The following DOCK9 variants were observed in gnomAD, a reference collection of about 807,000 sequenced individuals.
DOCK9 encodes the protein dedicator of cytokinesis 9, also known as dedicator of cytokinesis protein 9.
Under a neutral mutation model 263.3 loss-of-function variants are expected in DOCK9, and 89 were observed. The ratio of observed to expected loss-of-function variants is 0.34; its 90% CI spans 0.28 to 0.40. The LOEUF is 0.40. Among genes scored for constraint, DOCK9 ranks in the 10% least tolerant of loss-of-function variants. The pLI is 1.00. For missense variants in DOCK9, 2,140 were observed against 2,603.4 expected, an observed-to-expected ratio of 0.82 and a Z score of 3.87; for synonymous variants, 976 against 973.1, an observed-to-expected ratio of 1.00 and a Z score of -0.06.
At chr13:98,867,675 A>T in intron 29 of DOCK9, 139 bp from the exon 30 acceptor site, 1 of 681,736 alleles carries the variant, frequency 1.5e-6, no homozygotes, top group Non-Finnish European at 2.5e-6. Flanking sequence ...ATTGCACTGT[A>T]CAGATTTCAG....
intron 1 of DOCK9, among the ~76,000 whole-genome samples, chr13:99,065,618 C>T (rs1291695015): frequency 6.6e-6 from 1 of 152,194 alleles, no homozygotes; most frequent in African/African-American, 2.4e-5. Context: ...TCCTACGGGT[C>T]CCTCTATCTA....
intron 1 of DOCK9, among the ~76,000 whole-genome samples, chr13:98,985,608 C>T (rs1265254342): frequency 4.6e-5 from 7 of 152,130 alleles, no homozygotes; most frequent in Non-Finnish European, 1.0e-4. Flanking sequence ...TTATTTTGAT[C>T]GTGATAACAA....
chr13:98,862,061 T>C (rs8002277), intron 32 of DOCK9, among the ~76,000 whole-genome samples: 9,036 of 152,236 alleles, frequency 0.059, 693 homozygotes, highest in African/African-American at 0.17. Flanking sequence ...CCCCCATAAA[T>C]TTTTAGTGAA....
intron 34 of DOCK9, among the ~76,000 whole-genome samples, chr13:98,854,091 C>T (rs1020749505): frequency 1.2e-4 from 18 of 152,088 alleles, no homozygotes; most frequent in African/African-American, 4.1e-4. Context: ...AACAGGGACA[C>T]GTCAGCACAG....
chr13:99,008,221 T>C (rs1883750388), intron 1 of DOCK9, among the ~76,000 whole-genome samples: 1 of 119,614 alleles, frequency 8.4e-6, no homozygotes, highest in Non-Finnish European at 1.7e-5. Flanking sequence ...TCTATATATA[T>C]ATATATATAT....
intron 21 of DOCK9, among the ~76,000 whole-genome samples, chr13:98,884,633 A>G (rs1424917327): frequency 1.3e-5 from 2 of 152,208 alleles, no homozygotes; most frequent in East Asian, 1.9e-4. Context: ...GCTGGAGGAA[A>G]ATTCCTAATA....
At chr13:98,924,589 G>A (rs1400590146) in intron 4 of DOCK9, among the ~76,000 whole-genome samples, 1 of 152,172 alleles carries the variant, frequency 6.6e-6, no homozygotes, top group Admixed American at 6.5e-5. Context: ...TGGGTTATGG[G>A]GCAGATCCAT....
intron 1 of DOCK9, among the ~76,000 whole-genome samples, chr13:98,999,288 G>GCACACACACACACACACACACA (rs1412789503): frequency 1.7e-4 from 23 of 137,666 alleles, no homozygotes; most frequent in Non-Finnish European, 2.2e-4. Context: ...ACGCATGCAC[G>GCACACACACACACACACACACA]CGCACACACA....
rs576229403 is a variant in DOCK9, at chr13:99,021,502, G to A, written c.129+64721C>T. Among the ~76,000 whole-genome samples the A allele has an allele frequency of 1.8e-3, 272 of 152,112 alleles. 1 individual carries two copies. Among genetic ancestry groups the A allele is most frequent in the Non-Finnish European group, 3.1e-3 (211 of 67,970 alleles). Reference sequence around the variant, plus strand: ...AAAATACAAAAAATTAGCCGGGCGTGGTGGCGGGCGCCTGTAGTCCCAGCT... The same window carrying A: ...AAAATACAAAAAATTAGCCGGGCGTAGTGGCGGGCGCCTGTAGTCCCAGCT... On this transcript the variant is annotated intron_variant, in intron 1 of 32. Coordinates refer to the DOCK9 transcript ENST00000427887.
chr13:99,057,295 TAAG>T (rs1351007064), intron 1 of DOCK9, among the ~76,000 whole-genome samples: 3 of 151,920 alleles, frequency 2.0e-5, no homozygotes, highest in Admixed American at 2.0e-4. Flanking sequence ...CAAGAAAAAA[TAAG>T]TAGTAGTCTC....
intron 47 of DOCK9, chr13:98,808,974 A>T (rs1216769974): frequency 1.8e-5 from 20 of 1,113,744 alleles, no homozygotes; most frequent in Non-Finnish European, 2.5e-5. Flanking sequence ...AAAACAGGTG[A>T]TTTATTTCTG....
chr13:99,038,610 C>T (rs1309807573), intron 1 of DOCK9, among the ~76,000 whole-genome samples: 1 of 152,008 alleles, frequency 6.6e-6, no homozygotes, highest in Non-Finnish European at 1.5e-5. Context: ...CCGGCTTATG[C>T]CACTTTCAAC....
intron 1 of DOCK9, among the ~76,000 whole-genome samples, chr13:98,972,311 T>C (rs2059814588): frequency 6.6e-6 from 1 of 152,194 alleles, no homozygotes; most frequent in African/African-American, 2.4e-5. Context: ...TACCTTGCTA[T>C]AAAAAAACAG....
chr13:98,879,002 A>G (rs1408884695), intron 27 of DOCK9, among the ~76,000 whole-genome samples: 2 of 152,140 alleles, frequency 1.3e-5, no homozygotes, highest in Admixed American at 6.5e-5. Flanking sequence ...AGCTCCTTCT[A>G]TAATACTTCA....
rs578103024 is a variant in DOCK9, at chr13:99,008,849, C to T, written c.130-53298G>A. ...TTAGGGCCCCGCCTTTATGACTTCA[C>T]GTAACCTTAATTACCTCCTAAAGAC... On this transcript the variant is annotated intron_variant, in intron 1 of 32. Transcript: ENST00000427887. 5.9e-5 allele frequency among the ~76,000 whole-genome samples: 9 copies of T among 152,300 alleles called. No individual in the cohort carries two copies. In the East Asian group the frequency reaches 1.3e-3, roughly 23 times the overall value.
chr13:98,901,877 A>C lies in DOCK9; in HGVS notation c.1404T>G (p.Pro468=). 6.2e-7 allele frequency: 1 copy of C among 1,612,652 alleles called. No homozygotes were observed. Among genetic ancestry groups the C allele is most frequent in the Non-Finnish European group, 8.5e-7 (1 of 1,179,324 alleles). The change falls in exon 13 of 53, where the codon CCT becomes CCG. Residue 468 remains proline, a synonymous_variant. Coordinates refer to ENST00000682017, the MANE Select transcript of DOCK9 (RefSeq NM_001366683.2). ...PKQGIFSVTC[P]HPDIFLVARI... ...TGGCCACAAGAAATATATCTGGATGAGGACAAGTGACTGAAAATATTCCCT... is the reference window on the plus strand; with the variant it reads ...TGGCCACAAGAAATATATCTGGATGCGGACAAGTGACTGAAAATATTCCCT...
intron 1 of DOCK9, among the ~76,000 whole-genome samples, chr13:98,997,308 C>T (rs1461180795): frequency 6.6e-6 from 1 of 152,216 alleles, no homozygotes; most frequent in African/African-American, 2.4e-5. Flanking sequence ...TTCGCCCACC[C>T]CACGCCCAGA....
At chr13:99,011,591 A>T (rs1420645720) in intron 1 of DOCK9, among the ~76,000 whole-genome samples, 1 of 152,238 alleles carries the variant, frequency 6.6e-6, no homozygotes, top group Non-Finnish European at 1.5e-5. Flanking sequence ...GACAATGATT[A>T]TAACAGCTAA....
chr13:98,955,551 C>G lies in DOCK9; in HGVS notation c.127G>C (p.Ala43Pro). Residue 43 changes from alanine (A) to proline (P), a missense_variant and splice_region_variant, in exon 2 of 53, where the codon GCA becomes CCA. Ala to Pro is a conservative substitution (Grantham distance 27). This residue lies in a region of DOCK9 where 1,521 missense variants were observed against 1,741.7 expected (regional missense o/e 0.87). Coordinates refer to ENST00000682017, the MANE Select transcript of DOCK9 (RefSeq NM_001366683.2). ...AGTGGCTCAATTAGCTTTGGCTTTGCCTGGAGGGCGAAAAGATAAGCAAGA... is the reference window on the plus strand; with the variant it reads ...AGTGGCTCAATTAGCTTTGGCTTTGGCTGGAGGGCGAAAAGATAAGCAAGA... ...VEAESPGPVP[A>P]KPKLIEPLDY... 2 of 1,578,398 alleles carry G rather than the reference C, an allele frequency of 1.3e-6. No individual in the cohort carries two copies. Among genetic ancestry groups the G allele is most frequent in the Non-Finnish European group, 1.7e-6 (2 of 1,159,640 alleles).
Sources: gnomAD v4.1 joint callset for allele counts (sites outside exome capture counted in the v4.1 genomes callset) on GRCh38, gnomAD v4.1.1 for gene constraint, gnomAD v4.1.1 regional missense constraint, MANE v1.5 for transcripts, NCBI Gene and HGNC (gene_info 2026-07-23, HGNC 2026-07-21) for gene names.